The following LRMDA variants were observed in gnomAD, a reference collection of about 807,000 sequenced individuals.
LRMDA encodes leucine-rich melanocyte differentiation-associated protein.
A neutral mutation model predicts 29.8 loss-of-function variants in LRMDA; 18 were observed. That is an observed-to-expected ratio of 0.60 (90% CI 0.42 to 0.90). The LOEUF (loss-of-function observed/expected upper bound fraction) is 0.90. LRMDA is among the 40% of genes least tolerant of loss of function. The pLI is 0.00. For missense variants in LRMDA, 273 were observed against 273.9 expected, an observed-to-expected ratio of 1.00 and a Z score of 0.02; for synonymous variants, 125 against 109.4, an observed-to-expected ratio of 1.14 and a Z score of -0.89.
chr10:75,897,988 AT>A (rs543232082), intron 2 of LRMDA, among the ~76,000 whole-genome samples: 5 of 150,254 alleles, frequency 3.3e-5, no homozygotes, highest in African/African-American at 7.3e-5. Flanking sequence ...CGCCTGGCTA[AT>A]TTTTTTTTGT....
intron 2 of LRMDA, among the ~76,000 whole-genome samples, chr10:75,479,043 A>C (rs1844828282): frequency 6.6e-6 from 1 of 152,118 alleles, no homozygotes; most frequent in Non-Finnish European, 1.5e-5. Flanking sequence ...ATCTCCTTCA[A>C]GGCAGGGCCA....
intron 2 of LRMDA, among the ~76,000 whole-genome samples, chr10:75,855,395 G>T (rs1192986193): frequency 6.6e-6 from 1 of 152,116 alleles, no homozygotes; most frequent in African/African-American, 2.4e-5. Flanking sequence ...CATATCCTTC[G>T]CCCACTTTTT....
intron 6 of LRMDA, among the ~76,000 whole-genome samples, chr10:76,363,116 G>GGAAGGAAA (rs1841331684): frequency 1.9e-5 from 1 of 51,476 alleles, no homozygotes; most frequent in African/African-American, 6.3e-5. Flanking sequence ...TGTGGAGTAA[G>GGAAGGAAA]GAAAGAAAGA....
At chr10:76,359,807 A>G (rs1025568860) in intron 6 of LRMDA, among the ~76,000 whole-genome samples, 2 of 152,184 alleles carry the variant, frequency 1.3e-5, no homozygotes, top group African/African-American at 4.8e-5. Context: ...TTGAAAGTCT[A>G]TGAAAATCAA....
chr10:76,480,442 G>A (rs1842723291), intron 6 of LRMDA, among the ~76,000 whole-genome samples: 1 of 149,198 alleles, frequency 6.7e-6, no homozygotes, highest in Admixed American at 6.6e-5. Flanking sequence ...AGAGCTGGAA[G>A]AAATTTTAAA....
intron 2 of LRMDA, among the ~76,000 whole-genome samples, chr10:75,828,189 G>GT (rs1844278663): frequency 6.6e-6 from 1 of 152,094 alleles, no homozygotes; most frequent in Non-Finnish European, 1.5e-5. Flanking sequence ...TGATTATTTA[G>GT]AACGACCCCA....
chr10:75,745,334 A>T (rs558638248), intron 2 of LRMDA, among the ~76,000 whole-genome samples: 2 of 152,242 alleles, frequency 1.3e-5, no homozygotes, highest in South Asian at 4.2e-4. Flanking sequence ...TACATAAAAA[A>T]TCAGGGTGAA....
intron 5 of LRMDA, among the ~76,000 whole-genome samples, chr10:76,223,796 C>G (rs1024212101): frequency 6.6e-6 from 1 of 152,176 alleles, no homozygotes; most frequent in Non-Finnish European, 1.5e-5. Context: ...TTTGTTATAT[C>G]ACCTCATTTG....
chr10:75,477,620 G>A lies in LRMDA; in HGVS notation c.131+39126G>A, dbSNP rs79900056. On this transcript the variant is annotated intron_variant, in intron 2 of 6. Transcript: ENST00000611255. ...CCCCATGACAGCCAAGTCCCCAGGC[G>A]CAACTGCTGTGATGAAGGCTGGATT... 2.6e-3 allele frequency among the ~76,000 whole-genome samples: 397 copies of A among 152,314 alleles called. 4 individuals carry two copies. The highest frequency in any genetic ancestry group is 8.7e-3 in the African/African-American group (360 of 41,572).
chr10:76,059,001 A>G (rs1004521995), intron 5 of LRMDA, among the ~76,000 whole-genome samples: 4 of 152,192 alleles, frequency 2.6e-5, no homozygotes, highest in East Asian at 1.9e-4. Flanking sequence ...GCATAGCCCA[A>G]TGGTGAAGTT....
intron 5 of LRMDA, among the ~76,000 whole-genome samples, chr10:76,225,972 T>C (rs1051719361): frequency 4.1e-5 from 6 of 147,282 alleles, no homozygotes; most frequent in Non-Finnish European, 7.4e-5. Context: ...TGAGAACATG[T>C]GGTGTTTGGT....
At chr10:76,219,624 G>A (rs1402508433) in intron 5 of LRMDA, among the ~76,000 whole-genome samples, 1 of 152,138 alleles carries the variant, frequency 6.6e-6, no homozygotes, top group Non-Finnish European at 1.5e-5. Context: ...AGCAAGTCCT[G>A]AGTGACCTAC....
chr10:75,506,582 T>C (rs1845170854), intron 2 of LRMDA, among the ~76,000 whole-genome samples: 1 of 152,232 alleles, frequency 6.6e-6, no homozygotes, highest in African/African-American at 2.4e-5. Context: ...ACTCTCCATC[T>C]ACTTGGTGAT....
chr10:76,324,529 G>C, intron 6 of LRMDA, 44 bp downstream of exon 6: 2 of 1,559,098 alleles, frequency 1.3e-6, no homozygotes, highest in Non-Finnish European at 1.8e-6. Flanking sequence ...TGCAGGGAGG[G>C]ACACTTGGCT....
At chr10:75,799,047 T>C (rs1289862715) in intron 2 of LRMDA, among the ~76,000 whole-genome samples, 1 of 152,202 alleles carries the variant, frequency 6.6e-6, no homozygotes, top group Admixed American at 6.5e-5. Flanking sequence ...TCAATTAGAT[T>C]AATTTATTCA....
intron 5 of LRMDA, among the ~76,000 whole-genome samples, chr10:76,146,163 T>C (rs1589349151): frequency 1.3e-5 from 2 of 152,322 alleles, no homozygotes; most frequent in South Asian, 2.1e-4. Context: ...AGAATGTATA[T>C]TCCGTTGATT....
intron 5 of LRMDA, among the ~76,000 whole-genome samples, chr10:76,116,623 G>A (rs189153817): frequency 5.3e-5 from 8 of 152,130 alleles, no homozygotes; most frequent in Admixed American, 3.3e-4. Context: ...TTGACCTCCC[G>A]GTCAAAGGTT....
At chr10:75,574,926 AC>A (rs1713014109) in intron 2 of LRMDA, among the ~76,000 whole-genome samples, 1 of 152,212 alleles carries the variant, frequency 6.6e-6, no homozygotes, top group Non-Finnish European at 1.5e-5. Flanking sequence ...TAATTGGCTC[AC>A]TAATCACTGT....
At chr10:76,460,299 C>G (rs990508877) in intron 6 of LRMDA, among the ~76,000 whole-genome samples, 3 of 152,242 alleles carry the variant, frequency 2.0e-5, no homozygotes, top group Non-Finnish European at 2.9e-5. Context: ...ACACACATTT[C>G]TGGGCTTCAC....
Sources: allele counts gnomAD v4.1 joint callset (sites outside exome capture counted in the v4.1 genomes callset), GRCh38; gene constraint gnomAD v4.1.1; transcripts MANE v1.5; gene names NCBI Gene and HGNC (gene_info 2026-07-23, HGNC 2026-07-21).